FATE1: variants seen among roughly 807,000 people sequenced by gnomAD.
FATE1 encodes the protein fetal and adult testis expressed 1, also known as fetal and adult testis-expressed transcript protein.
In FATE1, 18 loss-of-function variants were observed where a neutral mutation model predicts 16.0. The ratio of observed to expected loss-of-function variants is 1.12; its 90% CI spans 0.78 to 1.66. The LOEUF (loss-of-function observed/expected upper bound fraction) is 1.66. FATE1 is among the 40% of genes most tolerant of loss of function. FATE1 has a pLI of 0.00. For synonymous variants in FATE1, 76 were observed against 56.9 expected (o/e 1.34, Z -1.51); for missense variants, 169 against 152.7 (o/e 1.11, Z -0.56).
In FATE1 at chrX:151,720,148, A is replaced by G. The variant is rs1602999130; in HGVS notation, c.235-1247A>G. ...AGAAGTGTGGATGACTGCTTCCTAC[A>G]TAGATCATTAGTTAAAGGCCCTGTT... On this transcript the variant is annotated intron_variant, in intron 2 of 4. Coordinates refer to ENST00000370350, the MANE Select transcript of FATE1 (RefSeq NM_033085.3). Among the ~76,000 whole-genome samples the G allele has an allele frequency of 2.7e-5, 3 of 111,440 alleles. No individual in the cohort carries two copies. In the East Asian group the frequency reaches 8.5e-4, roughly 32 times the overall value.
intron 1 of FATE1, 68 bp downstream of exon 1, chrX:151,716,293 G>C: frequency 1.1e-6 from 1 of 919,725 alleles, no homozygotes; most frequent in Non-Finnish European, 1.5e-6. Context: ...ACCTGTGCAT[G>C]TGTGTGTTGG....
chrX:151,717,510 G>A (rs2015071934), intron 2 of FATE1, 111 bp downstream of exon 2: 2 of 905,474 alleles, frequency 2.2e-6, no homozygotes, highest in African/African-American at 2.0e-5. Context: ...CTTGTGAGGA[G>A]GAGGAAGCTC....
rs2015132209 is a variant in FATE1 at position 151,722,972 on chromosome X, G to A, written c.*213G>A. 2.3e-6 allele frequency: 1 copy of A among 427,360 alleles called. No individual in the cohort carries two copies. Among genetic ancestry groups the A allele is most frequent in the Non-Finnish European group, 3.9e-6 (1 of 257,485 alleles). 35.2% of individuals were successfully genotyped at this position (427,360 alleles called of 1,213,427 possible). The stretch of plus-strand genomic sequence containing the variant: ...TGCTGCGAAGCTGGAGGAGGACTGC[G>A]TGGGCTGAGATGCCACCCTTTGAAG... On this transcript the variant is annotated 3_prime_UTR_variant, in exon 5 of 5. Coordinates refer to ENST00000370350, the MANE Select transcript of FATE1 (RefSeq NM_033085.3).
Position 151,722,655 on chromosome X carries a change from G to A in FATE1, c.448G>A (p.Ala150Thr), listed in dbSNP as rs1318352178. The A allele has an allele frequency of 1.5e-5, 18 of 1,211,306 alleles. No individual in the cohort carries two copies. The highest frequency in any genetic ancestry group is 5.2e-5 in the African/African-American group (3 of 57,641). The change falls in exon 5 of 5, where the codon GCC becomes ACC. Residue 150 changes from alanine (A) to threonine (T), a missense_variant. Transcript: ENST00000370350. Reference protein sequence around the residue: ...QLYAVNRRLRALEEQGATWRH... With the variant: ...QLYAVNRRLRTLEEQGATWRH... ...GTATGCAGTCAACCGGCGTCTGCGC[G>A]CCCTGGAGGAACAGGGCGCCACCTG...
At chrX:151,718,125 G>A (rs866062080) in intron 2 of FATE1, among the ~76,000 whole-genome samples, 1 of 67,281 alleles carries the variant, frequency 1.5e-5, no homozygotes, top group Non-Finnish European at 2.9e-5. Flanking sequence ...AGGAAGGAAG[G>A]AAGGAAGGAA....
At chrX:151,717,219 A>C in intron 1 of FATE1, 53 bp from the exon 2 acceptor site, 2 of 1,171,093 alleles carry the variant, frequency 1.7e-6, no homozygotes, top group South Asian at 3.7e-5. Flanking sequence ...GTGCCCAAGA[A>C]ACCCTGGTGC....
chrX:151,718,400 A>T (rs188580196), intron 2 of FATE1, among the ~76,000 whole-genome samples: 1 of 112,453 alleles, frequency 8.9e-6, no homozygotes, highest in East Asian at 2.8e-4. Flanking sequence ...AAACACAGTC[A>T]TTTTGGAGGG....
Position 151,717,257 on chromosome X carries a change from T to A in FATE1, c.107-15T>A. On this transcript the variant is annotated splice_polypyrimidine_tract_variant and intron_variant, in intron 1 of 4. Coordinates refer to ENST00000370350, the MANE Select transcript of FATE1 (RefSeq NM_033085.3). ...CTTCTATGGGTGCTCCTGGAGCTTC[T>A]GTTCTTCTCTCTAGAAATGATGGAG... The A allele has an allele frequency of 8.3e-7, 1 of 1,199,966 alleles. No individual in the cohort carries two copies. Among genetic ancestry groups the A allele is most frequent in the Non-Finnish European group, 1.1e-6 (1 of 887,908 alleles).
At chrX:151,716,912 C>G (rs2015065480) in intron 1 of FATE1, among the ~76,000 whole-genome samples, 1 of 111,380 alleles carries the variant, frequency 9.0e-6, no homozygotes, top group Non-Finnish European at 1.9e-5. Flanking sequence ...ATTTATGGAG[C>G]CTGCATCTCT....
At chrX:151,719,276 T>A (rs2015093875) in intron 2 of FATE1, among the ~76,000 whole-genome samples, 1 of 112,146 alleles carries the variant, frequency 8.9e-6, no homozygotes, top group South Asian at 3.8e-4. Context: ...AGAACCATAA[T>A]ATGCAAGGGT....
chrX:151,717,504 TGAGGAGGAGGAA>T, intron 2 of FATE1, 105 bp downstream of exon 2: 1 of 940,060 alleles, frequency 1.1e-6, no homozygotes, highest in Non-Finnish European at 1.4e-6. Context: ...CGTTGACTTG[TGAGGAGGAGGAA>T]GCTCCTGTGC....
At chrX:151,716,998 G>T (rs1301385117) in intron 1 of FATE1, among the ~76,000 whole-genome samples, 1 of 111,866 alleles carries the variant, frequency 8.9e-6, no homozygotes, top group Non-Finnish European at 1.9e-5. Context: ...CAGATGGTCA[G>T]TTCCTTGATA....
intron 3 of FATE1, 86 bp from the exon 4 acceptor site, chrX:151,721,817 C>T (rs1158777909): frequency 1.2e-5 from 10 of 834,733 alleles, no homozygotes; most frequent in Non-Finnish European, 1.6e-5. Flanking sequence ...AAGATCACGA[C>T]CTTACCTGCT....
intron 4 of FATE1, among the ~76,000 whole-genome samples, chrX:151,722,274 T>C (rs1017437587): frequency 7.2e-5 from 8 of 111,887 alleles, no homozygotes; most frequent in Non-Finnish European, 1.1e-4. Context: ...GAGAGAGTGA[T>C]ACCTAAGGGT....
At chrX:151,722,577 G>T in intron 4 of FATE1, 51 bp from the exon 5 acceptor site, 1 of 1,209,183 alleles carries the variant, frequency 8.3e-7, no homozygotes, top group South Asian at 1.8e-5. Flanking sequence ...TGTGCTGTGG[G>T]CTTCTGGAGA....
Position 151,722,803 on chromosome X carries a change from C to G in FATE1, c.*44C>G. On this transcript the variant is annotated 3_prime_UTR_variant, in exon 5 of 5. Coordinates refer to ENST00000370350, the MANE Select transcript of FATE1 (RefSeq NM_033085.3). ...CGTATTGGAGCCCTCCCTGCTTCCC[C>G]TTCTTTCTTTCCTCTTTCCCCAGGC... 1.7e-6 allele frequency: 2 copies of G among 1,174,674 alleles called. No homozygotes were observed. The highest frequency in any genetic ancestry group is 2.3e-6 in the Non-Finnish European group (2 of 875,689).
At chrX:151,716,329 G>A (rs1018364633) in intron 1 of FATE1, 104 bp downstream of exon 1, 1 of 682,811 alleles carries the variant, frequency 1.5e-6, no homozygotes, top group African/African-American at 2.2e-5. Context: ...GCACGGAAGT[G>A]TTTGCACATC....
At chrX:151,719,280 C>T (rs1386685154) in intron 2 of FATE1, among the ~76,000 whole-genome samples, 1 of 111,597 alleles carries the variant, frequency 9.0e-6, no homozygotes, top group African/African-American at 3.3e-5. Context: ...CCATAATATG[C>T]AAGGGTGAGA....
In FATE1 at chrX:151,722,669, G is replaced by A. The variant is rs750323697; in HGVS notation, c.462G>A (p.Gln154=). The A allele has an allele frequency of 1.7e-6, 2 of 1,212,103 alleles. No homozygotes were observed. Among genetic ancestry groups the A allele is most frequent in the South Asian group, 3.5e-5 (2 of 57,029 alleles). The change falls in exon 5 of 5, where the codon CAG becomes CAA. Residue 154 remains glutamine (Q), a synonymous_variant. Coordinates refer to ENST00000370350, the MANE Select transcript of FATE1 (RefSeq NM_033085.3). ...GGCGTCTGCGCGCCCTGGAGGAACA[G>A]GGCGCCACCTGGCGCCACAGGGAGA... ...VNRRLRALEE[Q]GATWRHRETL...
Sources: gnomAD v4.1 joint callset for allele counts (sites outside exome capture counted in the v4.1 genomes callset) on GRCh38, gnomAD v4.1.1 for gene constraint, MANE v1.5 for transcripts, NCBI Gene and HGNC (gene_info 2026-07-23, HGNC 2026-07-21) for gene names.